Variants in SZT2 observed in about 807,000 individuals in gnomAD.
SZT2 encodes SZT2 subunit of KICSTOR complex, also known as KICSTOR complex protein SZT2.
A neutral mutation model predicts 404.2 loss-of-function variants in SZT2; 216 were observed. That is an observed-to-expected ratio of 0.53 (90% CI 0.48 to 0.60). The LOEUF (loss-of-function observed/expected upper bound fraction) is 0.60, where lower values mean the gene tolerates loss of function less well. Among genes scored for constraint, SZT2 ranks in the 20% least tolerant of loss-of-function variants. The pLI is 0.00. For missense variants in SZT2, 3,857 were observed against 4,459.2 expected (o/e 0.86, Z 3.85); for synonymous variants, 1,693 against 1,749.9 (o/e 0.97, Z 0.81).
intron 1 of SZT2, among the ~76,000 whole-genome samples, chr1:43,400,620 C>T (rs1211042005): frequency 6.6e-6 from 1 of 152,166 alleles, no homozygotes; most frequent in Non-Finnish European, 1.5e-5. Context: ...GCCTGTAATC[C>T]CAGCACCTCG....
chr1:43,453,243 A>G lies in SZT2; in HGVS notation c.*2763A>G. 3 of 652,316 alleles carry G rather than the reference A, an allele frequency of 4.6e-6. No homozygotes were observed. The highest frequency in any genetic ancestry group is 1.9e-5 in the South Asian group (1 of 52,522). The allele number at this position is 652,316 out of a possible 1,614,324, so 40.4% of individuals were successfully genotyped here. A position where few individuals can be genotyped will look rare whatever the true frequency, so the allele number is the denominator to read the frequency against. The stretch of plus-strand genomic sequence containing the variant: ...TAAGACAGATAAAATACAAAAGGCA[A>G]TTTACAAAGGACCAGGACCGCAGAG... On this transcript the variant is annotated 3_prime_UTR_variant, in exon 72 of 72. Coordinates refer to ENST00000634258, the MANE Select transcript of SZT2 (RefSeq NM_001365999.1).
chr1:43,403,363 G>A, intron 2 of SZT2, 61 bp downstream of exon 2: 2 of 1,575,846 alleles, frequency 1.3e-6, no homozygotes, highest in South Asian at 2.3e-5. Flanking sequence ...TTTTTTAGGA[G>A]AGTGCTAGAA....
Position 43,434,454 on chromosome 1 carries a change from G to C in SZT2, c.5873G>C (p.Arg1958Pro). 1 of 1,597,404 alleles carries C rather than the reference G, an allele frequency of 6.3e-7. No homozygotes were observed. The highest frequency in any genetic ancestry group is 1.3e-5 in the African/African-American group (1 of 74,984). Reference sequence around the variant, plus strand: ...CACCTGCAGCAGCTCCTGGTGAGGCGAGTTGGGGAGATCTGCAGGGAGGTC... The same window carrying C: ...CACCTGCAGCAGCTCCTGGTGAGGCCAGTTGGGGAGATCTGCAGGGAGGTC... ...CRHLQQLLVRRVGEICREVNQ... is the reference protein window; with the variant it reads ...CRHLQQLLVRPVGEICREVNQ... The change falls in exon 41 of 72, where the codon CGA becomes CCA. Residue 1958 changes from arginine to proline, a missense_variant. By Grantham distance (103) the Arg-to-Pro change is moderately radical. Coordinates refer to ENST00000634258, the MANE Select transcript of SZT2 (RefSeq NM_001365999.1).
Position 43,437,075 on chromosome 1 carries a change from A to G in SZT2, c.6035-96A>G, listed in dbSNP as rs1215509394. ...CTGCAATAGTCAGGGATGAGTCTGG[A>G]GGAGTGAGGACAAGTAGGCCAGTTC... On this transcript the variant is annotated intron_variant, in intron 42 of 71. Transcript: ENST00000634258. This position sits in a 1 kb window ranked among gnomAD's most constrained non-coding sequence, Gnocchi z 5.3. 9 of 1,481,236 alleles carry G rather than the reference A, an allele frequency of 6.1e-6. No homozygotes were observed. The highest frequency in any genetic ancestry group is 8.3e-6 in the Non-Finnish European group (9 of 1,083,556). The allele number at this position is 1,481,236 out of a possible 1,614,324, so 91.8% of individuals were successfully genotyped here. A position where few individuals can be genotyped will look rare whatever the true frequency, so the allele number is the denominator to read the frequency against.
rs1295389410 is a variant in SZT2 at position 43,425,950 on chromosome 1, G to A, written c.2929+1G>A. The A allele has an allele frequency of 6.2e-7, 1 of 1,613,892 alleles. No homozygotes were observed. Among genetic ancestry groups the A allele is most frequent in the Non-Finnish European group, 8.5e-7 (1 of 1,179,884 alleles). ...CCCCCAGAGCCGAGGGTCTCTGATG[G>A]TGAGTGGGGCAGGCGGCCCACTGGT... On this transcript the variant is annotated splice_donor_variant, in intron 20 of 71. Transcript: ENST00000634258. LOFTEE classifies it high-confidence loss of function. The surrounding 1 kb of genome is among the most constrained non-coding windows in gnomAD (Gnocchi z 4.3).
chr1:43,432,689 G>A (rs771833438), intron 38 of SZT2, 39 bp from the exon 39 acceptor site: 1 of 1,613,686 alleles, frequency 6.2e-7, no homozygotes, highest in Admixed American at 1.7e-5. Flanking sequence ...CCCTAGACAG[G>A]ATTGAGAGAG....
Position 43,442,808 on chromosome 1 carries a change from C to T in SZT2, c.8152-11C>T, listed in dbSNP as rs530373416. ...AAGGCTATGAACCCATTGCAATGCT[C>T]CATCTCTCAGGAGCCAAACCCATTC... On this transcript the variant is annotated splice_polypyrimidine_tract_variant and intron_variant, in intron 58 of 71. Transcript: ENST00000634258. The surrounding 1 kb of genome is among the most constrained non-coding windows in gnomAD (Gnocchi z 4.5). The T allele has an allele frequency of 3.8e-6, 6 of 1,588,808 alleles. No individual in the cohort carries two copies. The East Asian group carries it at 1.3e-4, about 36-fold the overall frequency.
chr1:43,438,834 G>A lies in SZT2; in HGVS notation c.6627+17G>A. ...GATGTGGAGGTCAGCTCCCCTCTAG[G>A]CACCAGCATCCTTCCCAGACTCAGC... On this transcript the variant is annotated intron_variant, in intron 47 of 71. Transcript: ENST00000634258. 1 of 1,611,902 alleles carries A rather than the reference G, an allele frequency of 6.2e-7. No homozygotes were observed. Among genetic ancestry groups the A allele is most frequent in the Non-Finnish European group, 8.5e-7 (1 of 1,178,470 alleles).
At chr1:43,392,201 C>G (rs1648468265) in intron 1 of SZT2, among the ~76,000 whole-genome samples, 1 of 145,044 alleles carries the variant, frequency 6.9e-6, no homozygotes, top group African/African-American at 2.6e-5. Context: ...TAATAAAATA[C>G]AAAACATCGT....
In SZT2 at chr1:43,452,379, G is replaced by T. The variant is rs547064739; in HGVS notation, c.*1899G>T. ...TTGGCTCTCTCTGCACCTCTTCCAG[G>T]ATTCCCTGACTGTGCCAGCCCTCGT... On this transcript the variant is annotated 3_prime_UTR_variant, in exon 72 of 72. Coordinates refer to ENST00000634258, the MANE Select transcript of SZT2 (RefSeq NM_001365999.1). The T allele has an allele frequency of 1.6e-5, 22 of 1,370,136 alleles. No homozygotes were observed. The East Asian group carries it at 4.3e-4, about 27-fold the overall frequency. The allele number at this position is 1,370,136 out of a possible 1,614,324, so 84.9% of individuals were successfully genotyped here.
At chr1:43,411,627 C>T (rs1009230606) in intron 4 of SZT2, among the ~76,000 whole-genome samples, 24 of 152,194 alleles carry the variant, frequency 1.6e-4, no homozygotes, top group African/African-American at 4.8e-4. Flanking sequence ...CACCCAGCCC[C>T]ATCAAGTGCT....
intron 1 of SZT2, among the ~76,000 whole-genome samples, chr1:43,401,006 C>T (rs1289618271): frequency 6.6e-6 from 1 of 152,104 alleles, no homozygotes; most frequent in Non-Finnish European, 1.5e-5. Flanking sequence ...ACTACAGTCT[C>T]GACCTCCTGG....
intron 26 of SZT2, 78 bp from the exon 27 acceptor site, chr1:43,427,925 T>C: frequency 1.5e-6 from 2 of 1,369,936 alleles, no homozygotes; most frequent in East Asian, 2.4e-5. Context: ...AGATGATCCA[T>C]TGGAGTGTGG....
Position 43,450,277 on chromosome 1 carries a change from G to A in SZT2, c.10156-60G>A, listed in dbSNP as rs1656235198. 2 of 1,613,654 alleles carry A rather than the reference G, an allele frequency of 1.2e-6. No homozygotes were observed. The highest frequency in any genetic ancestry group is 1.7e-6 in the Non-Finnish European group (2 of 1,179,652). On this transcript the variant is annotated intron_variant, in intron 71 of 71. Transcript: ENST00000634258. The surrounding 1 kb of genome is among the most constrained non-coding windows in gnomAD (Gnocchi z 4.3). The stretch of plus-strand genomic sequence containing the variant: ...GGGGTGCCCACCCTTTCTGAGCCCT[G>A]CCTCCTATCCCCACCCATGCCCTCC...
Position 43,419,855 on chromosome 1 carries a change from G to A in SZT2, c.1001G>A (p.Gly334Asp). The change falls in exon 8 of 72, where the codon GGC (glycine) becomes GAC (aspartate). Residue 334 changes from glycine to aspartate, a missense_variant. Physicochemically the swap from Gly to Asp is moderately conservative, Grantham distance 94. Coordinates refer to ENST00000634258, the MANE Select transcript of SZT2 (RefSeq NM_001365999.1). ...YLSTCPEPEP[G>D]NLGLTVYHRA... ...TCCACTTGTCCTGAGCCGGAGCCAGGCAACCTGGGTCTGACTGTCTACCAC... is the reference window on the plus strand; with the variant it reads ...TCCACTTGTCCTGAGCCGGAGCCAGACAACCTGGGTCTGACTGTCTACCAC... 6.3e-7 allele frequency: 1 copy of A among 1,598,476 alleles called. No individual in the cohort carries two copies. The highest frequency in any genetic ancestry group is 1.1e-5 in the South Asian group (1 of 91,084).
At chr1:43,422,712 C>A in intron 13 of SZT2, 57 bp from the exon 14 acceptor site, 1 of 1,432,464 alleles carries the variant, frequency 7.0e-7, no homozygotes, top group Non-Finnish European at 9.2e-7. Flanking sequence ...TAACCCCAGA[C>A]CTCACTGCTA....
chr1:43,448,473 G>A lies in SZT2; in HGVS notation c.9958G>A (p.Asp3320Asn), dbSNP rs1227712565. The A allele has an allele frequency of 3.1e-6, 5 of 1,608,760 alleles. No homozygotes were observed. The highest frequency in any genetic ancestry group is 1.7e-5 in the Admixed American group (1 of 59,614). The change falls in exon 69 of 72, where the codon GAC becomes AAC. Residue 3320 changes from aspartate to asparagine, a missense_variant. By Grantham distance (23) the Asp-to-Asn change is conservative. Coordinates refer to ENST00000634258, the MANE Select transcript of SZT2 (RefSeq NM_001365999.1). This position sits in a 1 kb window ranked among gnomAD's most constrained non-coding sequence, Gnocchi z 4.2. Reference protein sequence around the residue: ...AVHAKSIGDIDPQLDCFLSMT... With the variant: ...AVHAKSIGDINPQLDCFLSMT... ...CCATGCCAAATCCATTGGGGACATC[G>A]ACCCCCAGCTGGTAAGGAACTGTGG...
rs1460317172 is a variant in SZT2, at chr1:43,448,649, G to C, written c.10007G>C (p.Ser3336Thr). ...TCCATGACGGTCTCCTGGTACCAGA[G>C]CCTGATCAAAGTTCTCCTAAGCCGC... ...FLSMTVSWYQ[S>T]LIKVLLSRFP... The change falls in exon 70 of 72, where the codon AGC (serine) becomes ACC (threonine). Residue 3336 changes from serine to threonine, a missense_variant. Ser to Thr is a moderately conservative substitution (Grantham distance 58). Around this residue, in one of 7 missense-constraint regions of SZT2, gnomAD observed 717 missense variants for 868.2 expected, o/e 0.83. Coordinates refer to ENST00000634258, the MANE Select transcript of SZT2 (RefSeq NM_001365999.1). The surrounding 1 kb of genome is among the most constrained non-coding windows in gnomAD (Gnocchi z 4.2). The C allele has an allele frequency of 1.2e-6, 2 of 1,614,094 alleles. No individual in the cohort carries two copies. Among genetic ancestry groups the C allele is most frequent in the Admixed American group, 1.7e-5 (1 of 60,006 alleles).
Position 43,435,311 on chromosome 1 carries a change from G to A in SZT2, c.6016G>A (p.Ala2006Thr). Residue 2006 changes from alanine to threonine, a missense_variant, in exon 42 of 72, where the codon GCA becomes ACA. Transcript: ENST00000634258. ...GACTCCCTTCCACTCCCGTCAGCGG[G>A]CACCACTGCCCAGTGATGGTGAGAT... ...SETPFHSRQR[A>T]PLPSDDYAAD... 6.2e-7 allele frequency: 1 copy of A among 1,614,116 alleles called. No individual in the cohort carries two copies. Among genetic ancestry groups the A allele is most frequent in the Admixed American group, 1.7e-5 (1 of 60,022 alleles).
Sources: allele counts gnomAD v4.1 joint callset (sites outside exome capture counted in the v4.1 genomes callset), GRCh38; gene constraint gnomAD v4.1.1; regional missense constraint gnomAD v4.1.1; non-coding constraint Gnocchi (gnomAD v3.1); transcripts MANE v1.5; gene names NCBI Gene and HGNC (gene_info 2026-07-23, HGNC 2026-07-21).